CNTNAP2: variants seen among roughly 807,000 people sequenced by gnomAD.
The protein encoded by CNTNAP2 is contactin associated protein 2.
In CNTNAP2, 98 loss-of-function variants were observed where a neutral mutation model predicts 155.2. That is an observed-to-expected ratio of 0.63 (90% CI 0.54 to 0.75). CNTNAP2 has a LOEUF of 0.75. CNTNAP2 is among the 30% of genes least tolerant of loss of function. CNTNAP2 has a pLI of 0.00. For missense variants in CNTNAP2, 1,727 were observed against 1,688.1 expected (o/e 1.02, Z -0.40); for synonymous variants, 651 against 631.2 (o/e 1.03, Z -0.47).
chr7:147,127,434 A>T (rs1301798124), intron 6 of CNTNAP2, among the ~76,000 whole-genome samples: 1 of 152,046 alleles, frequency 6.6e-6, no homozygotes, highest in Non-Finnish European at 1.5e-5. Context: ...CCCCCCTAAA[A>T]GTACTTAAGC....
chr7:146,731,949 A>AT (rs201464866), intron 1 of CNTNAP2, among the ~76,000 whole-genome samples: 2,449 of 152,208 alleles, frequency 0.016, 68 homozygotes, highest in African/African-American at 0.055. Context: ...ATATATATAT[A>AT]AAAGCATCCA....
intron 3 of CNTNAP2, among the ~76,000 whole-genome samples, chr7:146,882,037 T>A (rs903965277): frequency 1.3e-5 from 2 of 152,046 alleles, no homozygotes; most frequent in African/African-American, 4.8e-5. Flanking sequence ...AATGTTTAGC[T>A]CCCACTTATA....
intron 1 of CNTNAP2, among the ~76,000 whole-genome samples, chr7:146,721,259 A>G (rs1455483588): frequency 7.6e-6 from 1 of 130,982 alleles, no homozygotes; most frequent in Non-Finnish European, 1.5e-5. Flanking sequence ...TTCTCTATAT[A>G]CTCTCTATAT....
Position 146,306,703 on chromosome 7 carries a change from A to G in CNTNAP2, c.97+189730A>G, listed in dbSNP as rs1001486322. Among the ~76,000 whole-genome samples, 19 of 152,176 alleles carry G rather than the reference A, an allele frequency of 1.2e-4. 2 individuals carry two copies. Among genetic ancestry groups the G allele is most frequent in the Non-Finnish European group, 4.4e-5 (3 of 68,030 alleles). ...ATACACAAATCAATAAATGTAATCC[A>G]GCATATAAACAGAACCAAAGACAAA... On this transcript the variant is annotated intron_variant, in intron 1 of 23. Transcript: ENST00000361727.
intron 1 of CNTNAP2, among the ~76,000 whole-genome samples, chr7:146,173,361 A>G (rs1356086909): frequency 2.6e-5 from 4 of 152,182 alleles, no homozygotes; most frequent in Non-Finnish European, 4.4e-5. Flanking sequence ...GTTTTTAATA[A>G]TTGAATTTTC....
At chr7:146,720,049 C>A (rs540727989) in intron 1 of CNTNAP2, among the ~76,000 whole-genome samples, 3 of 151,958 alleles carry the variant, frequency 2.0e-5, no homozygotes, top group African/African-American at 7.2e-5. Flanking sequence ...TGTTTTTTCT[C>A]AGTTTTCACC....
chr7:146,411,157 ATTT>A (rs35201362), intron 1 of CNTNAP2, among the ~76,000 whole-genome samples: 15 of 139,276 alleles, frequency 1.1e-4, no homozygotes, highest in African/African-American at 1.6e-4. Context: ...AATAGAGTAG[ATTT>A]TTTTTTTTTT....
chr7:147,642,582 T>G (rs1401561477), intron 13 of CNTNAP2, among the ~76,000 whole-genome samples: 1 of 152,070 alleles, frequency 6.6e-6, no homozygotes, highest in Non-Finnish European at 1.5e-5. Flanking sequence ...TGGGATAAAC[T>G]TGTTATTAAG....
intron 1 of CNTNAP2, among the ~76,000 whole-genome samples, chr7:146,618,134 G>T (rs1475291608): frequency 6.6e-6 from 1 of 152,132 alleles, no homozygotes; most frequent in Admixed American, 6.5e-5. Flanking sequence ...TCAGCGTGGG[G>T]TAGACATCCT....
intron 15 of CNTNAP2, among the ~76,000 whole-genome samples, chr7:148,059,018 T>C (rs113657458): frequency 0.063 from 9,633 of 152,124 alleles, 381 homozygotes; most frequent in South Asian, 0.19. Context: ...CGGTGGCTCA[T>C]GCCTGTAATC....
At chr7:146,722,798 C>T (rs948434335) in intron 1 of CNTNAP2, among the ~76,000 whole-genome samples, 1 of 151,926 alleles carries the variant, frequency 6.6e-6, no homozygotes, top group Non-Finnish European at 1.5e-5. Context: ...GGATGGATTA[C>T]GAGGTCAGGA....
At chr7:147,650,183 T>C (rs1256577212) in intron 13 of CNTNAP2, among the ~76,000 whole-genome samples, 1 of 152,182 alleles carries the variant, frequency 6.6e-6, no homozygotes, top group Non-Finnish European at 1.5e-5. Flanking sequence ...AAATTATTTT[T>C]GAAAATACCT....
intron 1 of CNTNAP2, among the ~76,000 whole-genome samples, chr7:146,637,040 TA>T (rs2129160155): frequency 6.6e-6 from 1 of 152,322 alleles, no homozygotes; most frequent in South Asian, 2.1e-4. Flanking sequence ...ATTTGGGCAA[TA>T]ATGTCAGCAA....
chr7:148,116,003 G>A (rs542274137), intron 15 of CNTNAP2, among the ~76,000 whole-genome samples: 20 of 151,992 alleles, frequency 1.3e-4, no homozygotes, highest in Non-Finnish European at 2.4e-4. Flanking sequence ...GCCTGGCATG[G>A]TGGTGTGTGC....
intron 1 of CNTNAP2, among the ~76,000 whole-genome samples, chr7:146,674,857 A>G (rs1040368313): frequency 6.6e-6 from 1 of 152,186 alleles, no homozygotes; most frequent in Non-Finnish European, 1.5e-5. Context: ...AAGGCATCTC[A>G]GGTGGTGACT....
At chr7:146,818,526 A>C (rs1206574379) in intron 2 of CNTNAP2, among the ~76,000 whole-genome samples, 4 of 151,884 alleles carry the variant, frequency 2.6e-5, no homozygotes, top group African/African-American at 9.7e-5. Context: ...CTTTTGTTTT[A>C]AATACCTCCA....
intron 17 of CNTNAP2, among the ~76,000 whole-genome samples, chr7:148,164,616 T>A (rs1052051449): frequency 8.0e-6 from 1 of 124,804 alleles, no homozygotes; most frequent in Non-Finnish European, 1.7e-5. Flanking sequence ...TCTCTCTTTT[T>A]TTTTTTTTTT....
intron 1 of CNTNAP2, among the ~76,000 whole-genome samples, chr7:146,632,947 A>C (rs1799534071): frequency 6.6e-6 from 1 of 151,890 alleles, no homozygotes; most frequent in African/African-American, 2.4e-5. Context: ...GTAAGCAAAA[A>C]AAAAAATACA....
At chr7:147,742,132 C>G (rs112179998) in intron 13 of CNTNAP2, among the ~76,000 whole-genome samples, 2 of 152,096 alleles carry the variant, frequency 1.3e-5, no homozygotes, top group Non-Finnish European at 2.9e-5. Flanking sequence ...GCCTGCCCCC[C>G]TGATTCAATT....
Sources: gnomAD v4.1 joint callset for allele counts (sites outside exome capture counted in the v4.1 genomes callset) on GRCh38, gnomAD v4.1.1 for gene constraint, MANE v1.5 for transcripts, NCBI Gene and HGNC (gene_info 2026-07-23, HGNC 2026-07-21) for gene names.